Variants in DDA1 observed in about 807,000 individuals in gnomAD.
DDA1 encodes the protein DET1 and DDB1 associated 1.
A neutral mutation model predicts 18.6 loss-of-function variants in DDA1; 3 were observed. That is an observed-to-expected ratio of 0.16 (90% confidence interval 0.07 to 0.42). The LOEUF is 0.42. Among genes scored for constraint, DDA1 ranks in the 10% least tolerant of loss-of-function variants. The pLI is 0.99. For synonymous variants in DDA1, 52 were observed against 54.0 expected, an observed-to-expected ratio of 0.96 and a Z score of 0.17; for missense variants, 105 against 138.2, an observed-to-expected ratio of 0.76 and a Z score of 1.20.
At chr19:17,318,567 A>G (rs1042221703) in intron 4 of DDA1, among the ~76,000 whole-genome samples, 1 of 151,466 alleles carries the variant, frequency 6.6e-6, no homozygotes, top group Admixed American at 6.6e-5. Flanking sequence ...GGGTTTCTCC[A>G]TGTTGGCCAG....
intron 3 of DDA1, among the ~76,000 whole-genome samples, chr19:17,315,591 C>T: frequency 6.6e-6 from 1 of 151,828 alleles, no homozygotes; most frequent in Non-Finnish European, 1.5e-5. Context: ...AGCATTTATC[C>T]ATCTGGAGCC....
chr19:17,310,580 G>A (rs1204910903), intron 1 of DDA1, among the ~76,000 whole-genome samples: 5 of 152,150 alleles, frequency 3.3e-5, no homozygotes. Context: ...GGGAAGCTTG[G>A]TCAAGATACC....
In DDA1 at chr19:17,309,749, C is replaced by G. The variant is rs541225874; in HGVS notation, c.3+92C>G. 22 of 1,494,810 alleles carry G rather than the reference C, an allele frequency of 1.5e-5. No individual in the cohort carries two copies. In the African/African-American group the frequency reaches 3.1e-4, roughly 21 times the overall value. The allele number at this position is 1,494,810 out of a possible 1,614,324, so 92.6% of individuals were successfully genotyped here. The stretch of plus-strand genomic sequence containing the variant: ...CTCTAGTATCCCCCTAGGCCCCTCT[C>G]CGTTCTGCCCGGTCCCCTCAGGTCC... On this transcript the variant is annotated intron_variant, in intron 1 of 4. Coordinates refer to ENST00000359866, the MANE Select transcript of DDA1 (RefSeq NM_024050.6).
intron 4 of DDA1, among the ~76,000 whole-genome samples, chr19:17,317,905 C>T (rs907881081): frequency 6.6e-6 from 1 of 151,456 alleles, no homozygotes; most frequent in Non-Finnish European, 1.5e-5. Flanking sequence ...CTTCTGGTGC[C>T]CCAGCTCCCT....
rs2074194184 is a variant in DDA1 at position 17,314,616 on chromosome 19, C to T, written c.136+227C>T. On this transcript the variant is annotated intron_variant, in intron 3 of 4. Transcript: ENST00000359866. This position sits in a 1 kb window ranked among gnomAD's most constrained non-coding sequence, Gnocchi z 4.6. ...GGGGATGCACACGTGGATGCCTGTC[C>T]ACTCCCAGCCCCTGGGGACAGCCAG... is the stretch of plus-strand genomic sequence containing the variant. The T allele has an allele frequency of 3.5e-6, 2 of 573,918 alleles. No individual in the cohort carries two copies. 35.6% of individuals were successfully genotyped at this position (573,918 alleles called of 1,614,324 possible).
rs1162261318 is a variant in DDA1 at position 17,321,837 on chromosome 19, A to T, written c.*2181A>T. On this transcript the variant is annotated 3_prime_UTR_variant, in exon 5 of 5. Transcript: ENST00000359866. ...CCTCCCAGCTCCCGGCAGTGTCTAC[A>T]CCACAGTGATGGTGCTACAGGGGCC... 6.6e-6 allele frequency: 1 copy of T among 152,502 alleles called. No individual in the cohort carries two copies. The highest frequency in any genetic ancestry group is 1.9e-4 in the East Asian group (1 of 5,196). The allele number at this position is 152,502 out of a possible 1,614,324, so 9.4% of individuals were successfully genotyped here.
rs989307558 is a variant in DDA1 at position 17,309,641 on chromosome 19, G to C, written c.-14G>C. 9 of 1,612,868 alleles carry C rather than the reference G, an allele frequency of 5.6e-6. No individual in the cohort carries two copies. The highest frequency in any genetic ancestry group is 1.3e-5 in the African/African-American group (1 of 74,876). ...CTGAGGCGGCGGCCGAGGCGGCGAC[G>C]GAGGAAACAGAAGATGGTGAGGATG... On this transcript the variant is annotated 5_prime_UTR_variant, in exon 1 of 5. Coordinates refer to ENST00000359866, the MANE Select transcript of DDA1 (RefSeq NM_024050.6).
At chr19:17,309,684 C>G (rs545101186) in intron 1 of DDA1, 27 bp downstream of exon 1, 13 of 1,611,368 alleles carry the variant, frequency 8.1e-6, no homozygotes, top group Non-Finnish European at 1.1e-5. Context: ...GGCCCCCACT[C>G]CCCCTCTGCT....
intron 3 of DDA1, among the ~76,000 whole-genome samples, chr19:17,315,428 GCATA>G (rs1568354202): frequency 2.7e-4 from 19 of 71,374 alleles, no homozygotes; most frequent in African/African-American, 1.2e-3. Flanking sequence ...GTGTGTGTGT[GCATA>G]TATATATATA....
chr19:17,314,970 C>A lies in DDA1; in HGVS notation c.136+581C>A, dbSNP rs2074195559. 1.3e-5 allele frequency among the ~76,000 whole-genome samples: 2 copies of A among 151,816 alleles called. No homozygotes were observed. Among genetic ancestry groups the A allele is most frequent in the African/African-American group, 4.8e-5 (2 of 41,340 alleles). On this transcript the variant is annotated intron_variant, in intron 3 of 4. Coordinates refer to ENST00000359866, the MANE Select transcript of DDA1 (RefSeq NM_024050.6). This position sits in a 1 kb window ranked among gnomAD's most constrained non-coding sequence, Gnocchi z 4.6. ...AAAGACTCCACACCAGGTGGGGTAGCTCCCGCCTGTAATCCCAGCACTTTG... is the reference window on the plus strand; with the variant it reads ...AAAGACTCCACACCAGGTGGGGTAGATCCCGCCTGTAATCCCAGCACTTTG...
chr19:17,314,765 G>A lies in DDA1; in HGVS notation c.136+376G>A, dbSNP rs2074194727. On this transcript the variant is annotated intron_variant, in intron 3 of 4. Transcript: ENST00000359866. The surrounding 1 kb of genome is among the most constrained non-coding windows in gnomAD (Gnocchi z 4.6). ...GTCCTTTCCCCTCCCTGTCAGATGA[G>A]GTCAAGCGAGAACTCTGGTTCTAAG... 1 of 284,092 alleles carries A rather than the reference G, an allele frequency of 3.5e-6. No homozygotes were observed. The highest frequency in any genetic ancestry group is 4.9e-5 in the Admixed American group (1 of 20,466). 17.6% of individuals were successfully genotyped at this position (284,092 alleles called of 1,614,324 possible).
At chr19:17,310,777 T>C (rs1434439704) in intron 1 of DDA1, among the ~76,000 whole-genome samples, 3 of 140,404 alleles carry the variant, frequency 2.1e-5, no homozygotes, top group Non-Finnish European at 3.2e-5. Context: ...CAGCCAATCA[T>C]AAGTGGATTA....
Position 17,320,443 on chromosome 19 carries a change from A to C in DDA1, c.*787A>C, listed in dbSNP as rs1025505340. On this transcript the variant is annotated 3_prime_UTR_variant, in exon 5 of 5. Coordinates refer to ENST00000359866, the MANE Select transcript of DDA1 (RefSeq NM_024050.6). ...CTCTCGTGGGCTTGCTGAGGCCACC[A>C]TGTTCAAGGCCAAGACCTGCCTGGA... The C allele has an allele frequency of 6.6e-6, 1 of 152,368 alleles. No homozygotes were observed. The highest frequency in any genetic ancestry group is 1.5e-5 in the Non-Finnish European group (1 of 68,104). 9.4% of individuals were successfully genotyped at this position (152,368 alleles called of 1,614,324 possible).
At chr19:17,316,877 C>CA (rs1031676199) in intron 4 of DDA1, among the ~76,000 whole-genome samples, 4 of 148,802 alleles carry the variant, frequency 2.7e-5, no homozygotes, top group South Asian at 2.1e-4. Context: ...GACTCCATCT[C>CA]AAAAAAAACA....
chr19:17,315,214 T>C (rs62128061), intron 3 of DDA1, among the ~76,000 whole-genome samples: 626 of 24,908 alleles, frequency 0.025, 203 homozygotes, highest in Middle Eastern at 0.056. Flanking sequence ...CACGTGTATA[T>C]ACACACACGT....
intron 3 of DDA1, among the ~76,000 whole-genome samples, chr19:17,315,430 A>ATGTGTGTGTGTG (rs1568354219): frequency 0.062 from 2,480 of 39,862 alleles, 82 homozygotes; most frequent in Non-Finnish European, 0.074. Context: ...GTGTGTGTGC[A>ATGTGTGTGTGTG]TATATATATA....
chr19:17,315,164 CGT>C lies in DDA1; in HGVS notation c.137-767_137-766del, dbSNP rs538860084. ...ATATACACACACGTATATATACACA[CGT>C]GTATATACACACACGTGTATACACA... On this transcript the variant is annotated intron_variant, in intron 3 of 4. Coordinates refer to ENST00000359866, the MANE Select transcript of DDA1 (RefSeq NM_024050.6). Among the ~76,000 whole-genome samples the C allele has an allele frequency of 1.8e-4, 12 of 68,442 alleles. 3 individuals are homozygous for C. Among genetic ancestry groups the C allele is most frequent in the South Asian group, 1.1e-3 (3 of 2,650 alleles). 44.9% of individuals were successfully genotyped at this position (68,442 alleles called of 152,430 possible).
intron 4 of DDA1, among the ~76,000 whole-genome samples, chr19:17,318,667 T>G (rs1486935984): frequency 1.3e-5 from 2 of 148,870 alleles, no homozygotes; most frequent in Admixed American, 6.7e-5. Context: ...GCGCCTGGCC[T>G]TCTTTTTTTT....
intron 3 of DDA1, 157 bp from the exon 4 acceptor site, chr19:17,315,777 G>A: frequency 1.4e-6 from 1 of 724,660 alleles, no homozygotes; most frequent in Non-Finnish European, 2.4e-6. Context: ...TCTGGGAGTA[G>A]CTGCGAGTGT....
Sources: gnomAD v4.1 joint callset for allele counts (sites outside exome capture counted in the v4.1 genomes callset) on GRCh38, gnomAD v4.1.1 for gene constraint, Gnocchi (gnomAD v3.1) non-coding constraint, MANE v1.5 for transcripts, NCBI Gene and HGNC (gene_info 2026-07-23, HGNC 2026-07-21) for gene names.